CCSER1: variants seen among roughly 807,000 people sequenced by gnomAD.
CCSER1 encodes coiled-coil serine rich protein 1.
A neutral mutation model predicts 82.0 loss-of-function variants in CCSER1; 41 were observed. That is an observed-to-expected ratio of 0.50 (90% confidence interval 0.39 to 0.65). The LOEUF is 0.65. Among genes scored for constraint, CCSER1 ranks in the 30% least tolerant of loss-of-function variants. The pLI is 0.00. For synonymous variants in CCSER1, 414 were observed against 383.9 expected (o/e 1.08, Z -0.92); for missense variants, 1,119 against 1,064.2 (o/e 1.05, Z -0.72).
chr4:90,306,818 G>A (rs1488641400), intron 1 of CCSER1, among the ~76,000 whole-genome samples: 1 of 152,168 alleles, frequency 6.6e-6, no homozygotes, highest in African/African-American at 2.4e-5. Flanking sequence ...TCGTATTACA[G>A]TTGAAGGATT....
At chr4:91,155,674 T>A (rs748334020) in intron 10 of CCSER1, among the ~76,000 whole-genome samples, 3 of 151,982 alleles carry the variant, frequency 2.0e-5, no homozygotes, top group Non-Finnish European at 4.4e-5. Flanking sequence ...TCTTCACATA[T>A]TTGAAAATAC....
At chr4:90,532,364 TTC>T (rs1339814098) in intron 5 of CCSER1, among the ~76,000 whole-genome samples, 2 of 152,048 alleles carry the variant, frequency 1.3e-5, no homozygotes, top group African/African-American at 2.4e-5. Flanking sequence ...ACACTTCTTT[TTC>T]TTTGGCTTCT....
chr4:90,845,571 G>T lies in CCSER1; in HGVS notation c.2094+29726G>T, dbSNP rs1475742041. ...TTCCCTGTCCTGTTAAAACTATAGT[G>T]CCTGCTTGCATATGACAGAGGAACT... On this transcript the variant is annotated intron_variant, in intron 8 of 10. Coordinates refer to ENST00000509176, the MANE Select transcript of CCSER1 (RefSeq NM_001145065.2). Among the ~76,000 whole-genome samples, 3 of 151,946 alleles carry T rather than the reference G, an allele frequency of 2.0e-5. No individual in the cohort carries two copies. The East Asian group carries it at 5.8e-4, about 29-fold the overall frequency.
At chr4:91,138,988 G>C (rs1013251297) in intron 10 of CCSER1, among the ~76,000 whole-genome samples, 4 of 152,174 alleles carry the variant, frequency 2.6e-5, no homozygotes, top group Non-Finnish European at 5.9e-5. Flanking sequence ...CCCAGGTGGT[G>C]AGCATAGTAC....
At chr4:90,906,281 C>T (rs1012706508) in intron 8 of CCSER1, among the ~76,000 whole-genome samples, 1 of 152,128 alleles carries the variant, frequency 6.6e-6, no homozygotes, top group Non-Finnish European at 1.5e-5. Context: ...TTTCATGGCA[C>T]TCAGAATTTC....
At chr4:90,359,298 T>C (rs1744884090) in intron 3 of CCSER1, among the ~76,000 whole-genome samples, 1 of 152,210 alleles carries the variant, frequency 6.6e-6, no homozygotes, top group African/African-American at 2.4e-5. Context: ...AATTGTAAGC[T>C]AATATAAAAA....
chr4:91,218,139 G>A (rs967496116), intron 10 of CCSER1, among the ~76,000 whole-genome samples: 7 of 152,256 alleles, frequency 4.6e-5, no homozygotes, highest in Admixed American at 1.3e-4. Flanking sequence ...AAGGCCCAGC[G>A]AGAAATCGAG....
chr4:91,071,907 T>A (rs1721478716), intron 9 of CCSER1, among the ~76,000 whole-genome samples: 1 of 152,138 alleles, frequency 6.6e-6, no homozygotes, highest in African/African-American at 2.4e-5. Flanking sequence ...TCTGAAAGGG[T>A]GTCTTTGACT....
chr4:91,572,310 T>C (rs1763223997), intron 10 of CCSER1, among the ~76,000 whole-genome samples: 3 of 151,870 alleles, frequency 2.0e-5, no homozygotes, highest in African/African-American at 7.3e-5. Flanking sequence ...AGCTTCATCC[T>C]AGGGAGGTAC....
At position 90,744,164 on chromosome 4, in the gene CCSER1, T is replaced by A. The variant is rs541829236; in HGVS notation, c.2010+20173T>A. On this transcript the variant is annotated intron_variant, in intron 7 of 10. Transcript: ENST00000509176. ...ACACGGCCTGGAAAAGTGCAAAGTA[T>A]TGGGAGTTGAGGAGAGACAAATGTC... Among the ~76,000 whole-genome samples, 4 of 152,254 alleles carry A rather than the reference T, an allele frequency of 2.6e-5. No homozygotes were observed. In the South Asian group the frequency reaches 8.3e-4, roughly 32 times the overall value.
intron 6 of CCSER1, among the ~76,000 whole-genome samples, chr4:90,691,692 TAC>T (rs1735996805): frequency 7.2e-6 from 1 of 138,584 alleles, no homozygotes. Flanking sequence ...TGTATATATA[TAC>T]ACACATATAT....
intron 10 of CCSER1, among the ~76,000 whole-genome samples, chr4:91,476,202 T>G (rs980800835): frequency 2.0e-5 from 3 of 151,830 alleles, no homozygotes; most frequent in African/African-American, 7.2e-5. Flanking sequence ...TTTAATTTTT[T>G]GAGAAACTGC....
At chr4:90,667,537 C>G (rs1732032638) in intron 6 of CCSER1, among the ~76,000 whole-genome samples, 1 of 152,082 alleles carries the variant, frequency 6.6e-6, no homozygotes, top group Admixed American at 6.6e-5. Context: ...GTTCCCCTCC[C>G]TGTGTCCATG....
At chr4:90,572,393 A>C (rs1256454688) in intron 5 of CCSER1, among the ~76,000 whole-genome samples, 1 of 152,096 alleles carries the variant, frequency 6.6e-6, no homozygotes, top group Non-Finnish European at 1.5e-5. Flanking sequence ...CAGGTTTGGA[A>C]ATTACCTACT....
chr4:90,370,290 T>C (rs914585679), intron 3 of CCSER1: 2 of 152,028 alleles, frequency 1.3e-5, no homozygotes, highest in African/African-American at 4.8e-5. Context: ...TAGAGGAGTA[T>C]GTTTTAAAAT....
intron 10 of CCSER1, among the ~76,000 whole-genome samples, chr4:91,178,004 T>C (rs1733586291): frequency 6.6e-6 from 1 of 152,218 alleles, no homozygotes; most frequent in Non-Finnish European, 1.5e-5. Flanking sequence ...GATTCTGGTA[T>C]GTTGTGTCTT....
rs182569905 is a variant in CCSER1, at chr4:91,078,774, C to T, written c.2173-7176C>T. Among the ~76,000 whole-genome samples the T allele has an allele frequency of 3.9e-3, 601 of 152,206 alleles. 3 individuals carry two copies. Among genetic ancestry groups the T allele is most frequent in the African/African-American group, 0.014 (571 of 41,526 alleles). ...GCTGAAAACCATGGCACGAGAACTA[C>T]GTGATGAATGCACAAGCTTCAATAG... On this transcript the variant is annotated intron_variant, in intron 9 of 10. Coordinates refer to ENST00000509176, the MANE Select transcript of CCSER1 (RefSeq NM_001145065.2).
At position 91,603,215 on chromosome 4, in the gene CCSER1, A is replaced by G. The variant is rs1176740590; in HGVS notation, c.*4158A>G. 1.3e-5 allele frequency: 2 copies of G among 152,130 alleles called. No individual in the cohort carries two copies. The highest frequency in any genetic ancestry group is 3.9e-4 in the East Asian group (2 of 5,194). 9.4% of individuals were successfully genotyped at this position (152,130 alleles called of 1,614,324 possible). A position where few individuals can be genotyped will look rare whatever the true frequency, so the allele number is the denominator to read the frequency against. On this transcript the variant is annotated 3_prime_UTR_variant, in exon 11 of 11. Transcript: ENST00000509176. Reference sequence around the variant, plus strand: ...AACAGTCAACTAAGCAACCAAACAAAACAGCTCTCTTCTTTAATAATATTC... The same window carrying G: ...AACAGTCAACTAAGCAACCAAACAAGACAGCTCTCTTCTTTAATAATATTC...
intron 10 of CCSER1, among the ~76,000 whole-genome samples, chr4:91,202,900 T>A (rs568438904): frequency 2.2e-4 from 29 of 134,040 alleles, no homozygotes; most frequent in Non-Finnish European, 4.1e-4. Flanking sequence ...GATTTATGAT[T>A]TCTTTTTCAT....
Sources: gnomAD v4.1 joint callset for allele counts (sites outside exome capture counted in the v4.1 genomes callset) on GRCh38, gnomAD v4.1.1 for gene constraint, MANE v1.5 for transcripts, NCBI Gene and HGNC (gene_info 2026-07-23, HGNC 2026-07-21) for gene names.